Variants in CEP162 observed in about 807,000 individuals in gnomAD.
CEP162 encodes the protein centrosomal protein 162, also known as centrosomal protein of 162 kDa.
A neutral mutation model predicts 169.2 loss-of-function variants in CEP162; 141 were observed. The ratio of observed to expected loss-of-function variants is 0.83; its 90% CI spans 0.73 to 0.96. The LOEUF is 0.96. Ranked by LOEUF, CEP162 falls within the 40% of genes least tolerant of loss-of-function variation. The pLI, the probability that CEP162 is intolerant of heterozygous loss-of-function variation, is 0.00. For missense variants in CEP162, 1,600 were observed against 1,587.2 expected (o/e 1.01, Z -0.14); for synonymous variants, 540 against 526.4 (o/e 1.03, Z -0.35).
intron 21 of CEP162, among the ~76,000 whole-genome samples, chr6:84,159,524 T>C (rs2099524623): frequency 3.0e-5 from 1 of 33,488 alleles, no homozygotes; most frequent in South Asian, 8.8e-4. Flanking sequence ...ATTAATTATT[T>C]ATATATATAT....
chr6:84,149,607 A>AGAATTTTCT lies in CEP162; in HGVS notation c.3717_3725dup (p.Glu1240_Ser1242dup), dbSNP rs747299684. The AGAATTTTCT allele has an allele frequency of 1.9e-6, 3 of 1,604,242 alleles. No homozygotes were observed. The highest frequency in any genetic ancestry group is 2.6e-6 in the Non-Finnish European group (3 of 1,175,086). On this transcript the variant is annotated inframe_insertion, in exon 24 of 27. Transcript: ENST00000403245. ...GATTTAGTTCAGCTACTTTGGAAGA[A>AGAATTTTCT]GAATTTTCTACTGCATTTTGGCAAA...
intron 13 of CEP162, among the ~76,000 whole-genome samples, chr6:84,183,399 C>G (rs1029088444): frequency 6.6e-6 from 1 of 152,226 alleles, no homozygotes. Context: ...CTTTCCATCT[C>G]AGATACTCAT....
rs2099514081 is a variant in CEP162 at position 84,136,401 on chromosome 6, AGG to A, written c.3871-9891_3871-9890del. Among the ~76,000 whole-genome samples the A allele has an allele frequency of 3.3e-5, 5 of 152,312 alleles. No homozygotes were observed. In the South Asian group the frequency reaches 1.0e-3, roughly 32 times the overall value. ...AGGGCAGGCAGGTGATGAGACAGAG[AGG>A]GAATGAGAACCACTGAACTTATTCT... On this transcript the variant is annotated intron_variant, in intron 25 of 26. Coordinates refer to ENST00000403245, the MANE Select transcript of CEP162 (RefSeq NM_014895.4).
At chr6:84,213,061 T>C in intron 5 of CEP162, 37 bp from the exon 6 acceptor site, 1 of 1,244,734 alleles carries the variant, frequency 8.0e-7, no homozygotes, top group South Asian at 1.4e-5. Flanking sequence ...CATTACATGT[T>C]AAAAACATAT....
At chr6:84,131,210 G>T (rs1275297341) in intron 25 of CEP162, among the ~76,000 whole-genome samples, 1 of 152,160 alleles carries the variant, frequency 6.6e-6, no homozygotes, top group African/African-American at 2.4e-5. Context: ...CTGCACTGTG[G>T]TCTGAGAGAC....
intron 6 of CEP162, among the ~76,000 whole-genome samples, chr6:84,204,763 C>A (rs143765044): frequency 1.3e-5 from 2 of 152,060 alleles, no homozygotes; most frequent in Non-Finnish European, 2.9e-5. Flanking sequence ...ACACAAAAAA[C>A]GCTTCAAAAA....
intron 25 of CEP162, among the ~76,000 whole-genome samples, chr6:84,128,747 G>A (rs547533835): frequency 2.0e-5 from 3 of 151,970 alleles, no homozygotes; most frequent in East Asian, 3.9e-4. Flanking sequence ...GAACGTGCAG[G>A]TTTGTTACAT....
chr6:84,160,113 A>G (rs1306122655), intron 21 of CEP162, among the ~76,000 whole-genome samples: 1 of 152,174 alleles, frequency 6.6e-6, no homozygotes, highest in African/African-American at 2.4e-5. Flanking sequence ...CCATGACTTG[A>G]CTACAGAATC....
chr6:84,167,970 C>T (rs1404475554), intron 18 of CEP162, among the ~76,000 whole-genome samples: 1 of 152,118 alleles, frequency 6.6e-6, no homozygotes, highest in African/African-American at 2.4e-5. Context: ...TTTATCCATC[C>T]TTACTTTTGG....
At chr6:84,220,061 G>T (rs2099553074) in intron 3 of CEP162, among the ~76,000 whole-genome samples, 1 of 152,152 alleles carries the variant, frequency 6.6e-6, no homozygotes, top group Non-Finnish European at 1.5e-5. Context: ...GTGTTTCCAG[G>T]AGATGAGGAA....
chr6:84,170,341 T>G (rs1343225100), intron 17 of CEP162, among the ~76,000 whole-genome samples: 2 of 117,052 alleles, frequency 1.7e-5, no homozygotes, highest in Non-Finnish European at 1.6e-5. Context: ...GCCATTGCAC[T>G]CCAGCCTGGG....
At chr6:84,145,005 A>G (rs901160103) in intron 25 of CEP162, among the ~76,000 whole-genome samples, 3 of 152,160 alleles carry the variant, frequency 2.0e-5, no homozygotes, top group African/African-American at 7.2e-5. Context: ...CAGTTATACT[A>G]TCAAGGCTTT....
intron 6 of CEP162, among the ~76,000 whole-genome samples, chr6:84,208,074 T>C (rs2127741295): frequency 6.6e-6 from 1 of 151,052 alleles, no homozygotes; most frequent in Non-Finnish European, 1.5e-5. Flanking sequence ...TCTTAACTAG[T>C]ACTTATGAAA....
chr6:84,167,648 G>T (rs73485319), intron 18 of CEP162, among the ~76,000 whole-genome samples: 9,044 of 152,160 alleles, frequency 0.059, 934 homozygotes, highest in African/African-American at 0.21. Context: ...TCTACCAGAG[G>T]TTATCACTGA....
chr6:84,155,254 T>C (rs747301762), intron 22 of CEP162, 44 bp downstream of exon 22: 19 of 1,442,286 alleles, frequency 1.3e-5, no homozygotes, highest in Non-Finnish European at 1.6e-5. Flanking sequence ...CCTGCCCCCA[T>C]TGTTCATCTC....
chr6:84,132,377 T>C (rs981150333), intron 25 of CEP162, among the ~76,000 whole-genome samples: 1 of 152,218 alleles, frequency 6.6e-6, no homozygotes, highest in Non-Finnish European at 1.5e-5. Context: ...TTCCTGAATT[T>C]GAATGTTGTT....
chr6:84,160,836 T>G lies in CEP162; in HGVS notation c.2757A>C (p.Lys919Asn). The stretch of plus-strand genomic sequence containing the variant: ...CTTGTCGCTCCAGATCCTGAATTTT[T>G]TTGGCATCTGCTGCTTTATCTTTTA... The part of the protein sequence containing the change: ...IRLKDKAADA[K>N]KIQDLERQVK... The change falls in exon 21 of 27, where the codon AAA (lysine) becomes AAC (asparagine). Residue 919 changes from lysine to asparagine, a missense_variant. Physicochemically the swap from Lys to Asn is moderately conservative, Grantham distance 94. Transcript: ENST00000403245. 1 of 1,611,600 alleles carries G rather than the reference T, an allele frequency of 6.2e-7. No individual in the cohort carries two copies.
In CEP162 at chr6:84,193,552, T is replaced by C. The variant is rs60431519; in HGVS notation, c.1109+57A>G. The C allele has an allele frequency of 8.0e-4, 831 of 1,032,584 alleles. 5 individuals carry two copies. The African/African-American group carries it at 0.011, about 14-fold the overall frequency. 64.0% of individuals were successfully genotyped at this position (1,032,584 alleles called of 1,614,324 possible). A position where few individuals can be genotyped will look rare whatever the true frequency, so the allele number is the denominator to read the frequency against. On this transcript the variant is annotated intron_variant, in intron 11 of 26. Transcript: ENST00000403245. The stretch of plus-strand genomic sequence containing the variant: ...TAATCATTCACTAGGAATGATTACA[T>C]AGAACAAATGACTATAAAAGTTTCC...
At chr6:84,223,128 G>A (rs959889565) in intron 2 of CEP162, among the ~76,000 whole-genome samples, 5 of 152,164 alleles carry the variant, frequency 3.3e-5, no homozygotes, top group South Asian at 4.1e-4. Flanking sequence ...CATGATAAGT[G>A]TTCTTACTTT....
Sources: gnomAD v4.1 joint callset for allele counts (sites outside exome capture counted in the v4.1 genomes callset) on GRCh38, gnomAD v4.1.1 for gene constraint, MANE v1.5 for transcripts, NCBI Gene and HGNC (gene_info 2026-07-23, HGNC 2026-07-21) for gene names.